Variants in TTC27 observed in about 807,000 individuals in gnomAD.
The protein encoded by TTC27 is tetratricopeptide repeat protein 27.
In TTC27, 79 loss-of-function variants were observed where a neutral mutation model predicts 115.9. The ratio of observed to expected loss-of-function variants is 0.68; its 90% CI spans 0.57 to 0.82. The LOEUF (loss-of-function observed/expected upper bound fraction) is 0.82, where lower values mean the gene tolerates loss of function less well. Among genes scored for constraint, TTC27 ranks in the 40% least tolerant of loss-of-function variants. The pLI, the probability that TTC27 is intolerant of heterozygous loss-of-function variation, is 0.00. For missense variants in TTC27, 1,054 were observed against 993.1 expected, an observed-to-expected ratio of 1.06 and a Z score of -0.82; for synonymous variants, 401 against 356.0, an observed-to-expected ratio of 1.13 and a Z score of -1.42.
intron 3 of TTC27, among the ~76,000 whole-genome samples, chr2:32,638,172 G>A: frequency 6.6e-6 from 1 of 152,134 alleles, no homozygotes; most frequent in East Asian, 1.9e-4. Context: ...TAAAATTGAG[G>A]CAGTTGTAAA....
At chr2:32,745,206 C>CA (rs1486779431) in intron 12 of TTC27, among the ~76,000 whole-genome samples, 6 of 151,796 alleles carry the variant, frequency 4.0e-5, no homozygotes, top group Admixed American at 3.3e-4. Flanking sequence ...CTAGCTTAGG[C>CA]AAAAAAGGAT....
At chr2:32,746,344 C>A (rs1183749296) in intron 12 of TTC27, among the ~76,000 whole-genome samples, 2 of 151,778 alleles carry the variant, frequency 1.3e-5, no homozygotes, top group East Asian at 3.9e-4. Flanking sequence ...GGTGGATTAC[C>A]TGAGGTCAGG....
In TTC27 at chr2:32,744,042, T is replaced by C. The variant is rs967333500; in HGVS notation, c.1452+7226T>C. Among the ~76,000 whole-genome samples the C allele has an allele frequency of 2.6e-5, 4 of 152,346 alleles. No individual in the cohort carries two copies. In the South Asian group the frequency reaches 8.3e-4, roughly 32 times the overall value. The stretch of plus-strand genomic sequence containing the variant: ...TTGCTGGGTAAGAATATTCCAAAGA[T>C]GACTAATAGACAAACTTACTACAAA... On this transcript the variant is annotated intron_variant, in intron 12 of 19. Transcript: ENST00000317907.
At chr2:32,656,403 G>T (rs141492213) in intron 5 of TTC27, among the ~76,000 whole-genome samples, 1 of 152,164 alleles carries the variant, frequency 6.6e-6, no homozygotes. Context: ...AATTTTTTAG[G>T]TAGAGAACTT....
rs1457192749 is a variant in TTC27 at position 32,692,931 on chromosome 2, G to A, written c.1120-9876G>A. ...GCGGAGGTTGCAATGGGCTGAGATCGCACTACTGTACTCCAGCCTGGGTAA... is the reference window on the plus strand; with the variant it reads ...GCGGAGGTTGCAATGGGCTGAGATCACACTACTGTACTCCAGCCTGGGTAA... On this transcript the variant is annotated intron_variant, in intron 9 of 19. Transcript: ENST00000317907. 2.0e-5 allele frequency among the ~76,000 whole-genome samples: 3 copies of A among 150,634 alleles called. No homozygotes were observed. In the East Asian group the frequency reaches 5.8e-4, roughly 29 times the overall value.
intron 11 of TTC27, among the ~76,000 whole-genome samples, chr2:32,735,647 A>G (rs1183951395): frequency 6.8e-6 from 1 of 146,458 alleles, no homozygotes; most frequent in Admixed American, 6.8e-5. Flanking sequence ...TAAAAAGAGA[A>G]TTAGTCTCTA....
chr2:32,761,728 C>T, intron 13 of TTC27, among the ~76,000 whole-genome samples: 1 of 152,104 alleles, frequency 6.6e-6, no homozygotes. Context: ...TAAAATCATA[C>T]CCCTACCTTA....
chr2:32,630,050 A>G (rs1210621312), intron 1 of TTC27, among the ~76,000 whole-genome samples: 2 of 152,216 alleles, frequency 1.3e-5, no homozygotes, highest in African/African-American at 4.8e-5. Flanking sequence ...TCAACAGGCG[A>G]TATCACAAGT....
At chr2:32,731,256 T>C (rs1472029111) in intron 10 of TTC27, among the ~76,000 whole-genome samples, 1 of 151,872 alleles carries the variant, frequency 6.6e-6, no homozygotes, top group Non-Finnish European at 1.5e-5. Context: ...GCCCGGCTAA[T>C]TTTTGTATTT....
chr2:32,740,257 CTCTCTTGTTT>C (rs1311309923), intron 12 of TTC27, among the ~76,000 whole-genome samples: 3 of 152,104 alleles, frequency 2.0e-5, no homozygotes, highest in African/African-American at 7.2e-5. Flanking sequence ...GGGTTGGGAC[CTCTCTTGTTT>C]TCTCTTGTTT....
In TTC27 at chr2:32,702,791, T is replaced by G. The variant is rs746386124; in HGVS notation, c.1120-16T>G. On this transcript the variant is annotated splice_polypyrimidine_tract_variant and intron_variant, in intron 9 of 19. Coordinates refer to ENST00000317907, the MANE Select transcript of TTC27 (RefSeq NM_017735.5). Reference sequence around the variant, plus strand: ...TTATCTCTTTTCTATGATTTTTTTCTTCCCGCTTCTATCAGTGTTTGCTTT... The same window carrying G: ...TTATCTCTTTTCTATGATTTTTTTCGTCCCGCTTCTATCAGTGTTTGCTTT... The G allele has an allele frequency of 6.4e-7, 1 of 1,567,790 alleles. No homozygotes were observed. Among genetic ancestry groups the G allele is most frequent in the East Asian group, 2.2e-5 (1 of 44,590 alleles).
At chr2:32,654,916 C>G in intron 5 of TTC27, among the ~76,000 whole-genome samples, 1 of 150,362 alleles carries the variant, frequency 6.7e-6, no homozygotes. Flanking sequence ...GGCTGGTGTC[C>G]AACTCCTGAC....
chr2:32,749,927 A>G (rs1668953556), intron 12 of TTC27, among the ~76,000 whole-genome samples: 1 of 152,226 alleles, frequency 6.6e-6, no homozygotes, highest in Admixed American at 6.5e-5. Context: ...AAAAGATTTT[A>G]TCACTTAGGC....
Position 32,811,229 on chromosome 2 carries a change from C to T in TTC27, c.2196+8C>T. 1 of 1,610,606 alleles carries T rather than the reference C, an allele frequency of 6.2e-7. No individual in the cohort carries two copies. Among genetic ancestry groups the T allele is most frequent in the Non-Finnish European group, 8.5e-7 (1 of 1,178,106 alleles). ...CCTGATGAAAATGAAAAGGCAAGTCCTTCATTCCTCCTGAGTCCTTGCCTT... is the reference window on the plus strand; with the variant it reads ...CCTGATGAAAATGAAAAGGCAAGTCTTTCATTCCTCCTGAGTCCTTGCCTT... On this transcript the variant is annotated splice_region_variant and intron_variant, in intron 17 of 19. Transcript: ENST00000317907.
chr2:32,786,268 C>T (rs1390025442), intron 15 of TTC27, among the ~76,000 whole-genome samples: 1 of 152,036 alleles, frequency 6.6e-6, no homozygotes, highest in Non-Finnish European at 1.5e-5. Context: ...ATTACAGGCA[C>T]ATGCCACCAT....
intron 10 of TTC27, among the ~76,000 whole-genome samples, chr2:32,730,906 G>A (rs1281001004): frequency 1.3e-5 from 2 of 152,026 alleles, no homozygotes; most frequent in Non-Finnish European, 2.9e-5. Flanking sequence ...ACAGGCATGA[G>A]CCATTGCACC....
At chr2:32,760,156 T>TA (rs1307438254) in intron 13 of TTC27, among the ~76,000 whole-genome samples, 3 of 152,222 alleles carry the variant, frequency 2.0e-5, no homozygotes, top group Non-Finnish European at 4.4e-5. Context: ...ATTGAGCTAA[T>TA]TGCTTACTTT....
chr2:32,809,623 C>G (rs1030339324), intron 16 of TTC27, among the ~76,000 whole-genome samples: 5 of 152,192 alleles, frequency 3.3e-5, no homozygotes, highest in African/African-American at 1.2e-4. Flanking sequence ...TTTCCTCAAG[C>G]TGGTTCTTTT....
At chr2:32,791,749 C>T (rs931943383) in intron 16 of TTC27, among the ~76,000 whole-genome samples, 2 of 152,052 alleles carry the variant, frequency 1.3e-5, no homozygotes, top group African/African-American at 4.8e-5. Flanking sequence ...GTGGGATGTG[C>T]CTACAGCCCC....
Sources: allele counts gnomAD v4.1 joint callset (sites outside exome capture counted in the v4.1 genomes callset), GRCh38; gene constraint gnomAD v4.1.1; transcripts MANE v1.5; gene names NCBI Gene and HGNC (gene_info 2026-07-23, HGNC 2026-07-21).